Variants in MACROD2 observed in about 807,000 individuals in gnomAD.
MACROD2 encodes ADP-ribose glycohydrolase MACROD2.
In MACROD2, 36 loss-of-function variants were observed where a neutral mutation model predicts 70.4. The ratio of observed to expected loss-of-function variants is 0.51; its 90% CI spans 0.39 to 0.68. The LOEUF (loss-of-function observed/expected upper bound fraction) is 0.68, where lower values mean the gene tolerates loss of function less well. MACROD2 is among the 30% of genes least tolerant of loss of function. The pLI is 0.00. For synonymous variants in MACROD2, 172 were observed against 178.8 expected (o/e 0.96, Z 0.30); for missense variants, 496 against 538.4 (o/e 0.92, Z 0.78).
intron 8 of MACROD2, among the ~76,000 whole-genome samples, chr20:15,568,854 A>G (rs1290397662): frequency 6.6e-6 from 1 of 152,204 alleles, no homozygotes; most frequent in Non-Finnish European, 1.5e-5. Context: ...GTAAGTTATC[A>G]GAAGAATCTT....
Position 14,666,805 on chromosome 20 carries a change from C to T in MACROD2, c.302-18038C>T, listed in dbSNP as rs573829146. 1.2e-4 allele frequency among the ~76,000 whole-genome samples: 18 copies of T among 151,932 alleles called. No individual in the cohort carries two copies. The South Asian group carries it at 2.7e-3, about 23-fold the overall frequency. ...TCTTTAAAAACTGTAGCTGTGGAAGCAGGATTGCTCTTGTTTCATCCTGAC... is the reference window on the plus strand; with the variant it reads ...TCTTTAAAAACTGTAGCTGTGGAAGTAGGATTGCTCTTGTTTCATCCTGAC... On this transcript the variant is annotated intron_variant, in intron 4 of 17. Coordinates refer to ENST00000684519, the MANE Select transcript of MACROD2 (RefSeq NM_001351661.2).
intron 5 of MACROD2, among the ~76,000 whole-genome samples, chr20:15,209,469 T>C (rs2076742250): frequency 6.6e-6 from 1 of 152,172 alleles, no homozygotes; most frequent in Admixed American, 6.5e-5. Flanking sequence ...AAAATAACCT[T>C]AGGCTTAGAA....
At position 16,052,732 on chromosome 20, in the gene MACROD2, G is replaced by A. The variant is rs768233196; in HGVS notation, c.*2856G>A. Reference sequence around the variant, plus strand: ...AAAAGCCTCTTTGTGAATTAATACAGTTCTGCTTGATGCACTTGATTTGAA... The same window carrying A: ...AAAAGCCTCTTTGTGAATTAATACAATTCTGCTTGATGCACTTGATTTGAA... On this transcript the variant is annotated 3_prime_UTR_variant, in exon 18 of 18. Coordinates refer to ENST00000684519, the MANE Select transcript of MACROD2 (RefSeq NM_001351661.2). 2.6e-5 allele frequency: 4 copies of A among 152,586 alleles called. No individual in the cohort carries two copies. The highest frequency in any genetic ancestry group is 2.0e-4 in the Admixed American group (3 of 15,274). The allele number at this position is 152,586 out of a possible 1,614,324, so 9.5% of individuals were successfully genotyped here. A position where few individuals can be genotyped will look rare whatever the true frequency, so the allele number is the denominator to read the frequency against.
chr20:15,936,536 ATACT>A (rs1305540600), intron 11 of MACROD2, among the ~76,000 whole-genome samples: 2 of 149,388 alleles, frequency 1.3e-5, no homozygotes, highest in African/African-American at 4.9e-5. Context: ...CACACTATAA[ATACT>A]TTTTTCTATA....
intron 8 of MACROD2, among the ~76,000 whole-genome samples, chr20:15,624,725 A>G (rs1039274654): frequency 5.3e-5 from 8 of 152,196 alleles, no homozygotes; most frequent in Admixed American, 3.9e-4. Flanking sequence ...TCCAAAGCCT[A>G]CAACATTTTC....
chr20:15,033,510 T>C (rs564671415), intron 5 of MACROD2, among the ~76,000 whole-genome samples: 1 of 152,314 alleles, frequency 6.6e-6, no homozygotes, highest in South Asian at 2.1e-4. Flanking sequence ...TATGACCCAG[T>C]TATTTGCTTT....
intron 5 of MACROD2, among the ~76,000 whole-genome samples, chr20:14,925,452 A>G (rs1454861365): frequency 6.6e-6 from 1 of 152,160 alleles, no homozygotes; most frequent in African/African-American, 2.4e-5. Context: ...TGAAGGCATG[A>G]CTTAATCATC....
intron 4 of MACROD2, among the ~76,000 whole-genome samples, chr20:14,675,334 C>T (rs1464609922): frequency 6.6e-6 from 1 of 152,148 alleles, no homozygotes; most frequent in Non-Finnish European, 1.5e-5. Context: ...AAGGGAAGCC[C>T]ATCAGACTAA....
In MACROD2 at chr20:15,583,459, G is replaced by A. The variant is rs149965382; in HGVS notation, c.645+83612G>A. Among the ~76,000 whole-genome samples, 1,149 of 152,198 alleles carry A rather than the reference G, an allele frequency of 7.5e-3. 9 individuals are homozygous for A. The highest frequency in any genetic ancestry group is 0.012 in the Admixed American group (177 of 15,280). On this transcript the variant is annotated intron_variant, in intron 8 of 17. Transcript: ENST00000684519. ...AATGCAATCCTGCTTCATTTTCTGC[G>A]GAGTGGCTCCGTTTGGAGCAGGAAC...
intron 6 of MACROD2, among the ~76,000 whole-genome samples, chr20:15,380,804 C>T (rs2045632914): frequency 6.6e-6 from 1 of 152,136 alleles, no homozygotes; most frequent in Admixed American, 6.6e-5. Context: ...GCAGACTAAA[C>T]TTAGTGTTGT....
intron 12 of MACROD2, among the ~76,000 whole-genome samples, chr20:15,955,880 T>G (rs2065969985): frequency 6.6e-6 from 1 of 152,166 alleles, no homozygotes; most frequent in African/African-American, 2.4e-5. Flanking sequence ...TAGGCTGATC[T>G]GTGCAGCAAA....
chr20:15,718,141 G>T (rs939638916), intron 8 of MACROD2, among the ~76,000 whole-genome samples: 1 of 151,726 alleles, frequency 6.6e-6, no homozygotes, highest in Non-Finnish European at 1.5e-5. Context: ...GAGCAGCTGG[G>T]ATTACAGGCG....
intron 5 of MACROD2, among the ~76,000 whole-genome samples, chr20:14,783,723 T>C (rs1484927270): frequency 2.0e-5 from 3 of 151,976 alleles, no homozygotes; most frequent in Non-Finnish European, 2.9e-5. Flanking sequence ...AAAAGTGAAA[T>C]AAGGAAGAAA....
chr20:15,222,000 A>T (rs2076865909), intron 5 of MACROD2, among the ~76,000 whole-genome samples: 1 of 152,202 alleles, frequency 6.6e-6, no homozygotes, highest in Non-Finnish European at 1.5e-5. Context: ...AGCATCAAGG[A>T]GGGTGAGAGA....
chr20:14,429,677 C>T (rs988883900), intron 3 of MACROD2, among the ~76,000 whole-genome samples: 1 of 152,132 alleles, frequency 6.6e-6, no homozygotes, highest in Non-Finnish European at 1.5e-5. Context: ...TTTTGCTTTT[C>T]TGCCTTTGGG....
chr20:14,487,697 G>A (rs1002055605), intron 3 of MACROD2, among the ~76,000 whole-genome samples: 3 of 152,070 alleles, frequency 2.0e-5, no homozygotes, highest in African/African-American at 7.2e-5. Context: ...AATGAATATG[G>A]CCTCTGCCTT....
chr20:14,965,793 C>A (rs1170023918), intron 5 of MACROD2, among the ~76,000 whole-genome samples: 1 of 151,970 alleles, frequency 6.6e-6, no homozygotes, highest in Non-Finnish European at 1.5e-5. Context: ...ATAACTTCAT[C>A]ATAGAGGTGA....
intron 3 of MACROD2, among the ~76,000 whole-genome samples, chr20:14,279,774 A>T (rs996094645): frequency 1.3e-4 from 20 of 152,196 alleles, no homozygotes; most frequent in African/African-American, 4.8e-4. Context: ...GTGAAAGCAT[A>T]GATTTTTTTC....
At chr20:15,617,701 A>G (rs1185430039) in intron 8 of MACROD2, among the ~76,000 whole-genome samples, 1 of 152,228 alleles carries the variant, frequency 6.6e-6, no homozygotes, top group Non-Finnish European at 1.5e-5. Context: ...AGGCACTGTG[A>G]TAAGCCCTGG....
Sources: gnomAD v4.1 joint callset for allele counts (sites outside exome capture counted in the v4.1 genomes callset) on GRCh38, gnomAD v4.1.1 for gene constraint, MANE v1.5 for transcripts, NCBI Gene and HGNC (gene_info 2026-07-23, HGNC 2026-07-21) for gene names.